The following ZGRF1 variants were observed in gnomAD, a reference collection of about 807,000 sequenced individuals.
The protein encoded by ZGRF1 is zinc finger GRF-type containing 1.
ZGRF1 carries 196 observed loss-of-function variants against 203.5 expected under a neutral mutation model. That is an observed-to-expected ratio of 0.96 (90% confidence interval 0.86 to 1.08). The LOEUF (loss-of-function observed/expected upper bound fraction) is 1.08. Among genes scored for constraint, ZGRF1 ranks in the 50% least tolerant of loss-of-function variants. ZGRF1 has a pLI of 0.00. For missense variants in ZGRF1, 2,326 were observed against 2,416.3 expected, an observed-to-expected ratio of 0.96 and a Z score of 0.78; for synonymous variants, 809 against 841.3, an observed-to-expected ratio of 0.96 and a Z score of 0.66.
chr4:112,577,421 C>T (rs1374935409), intron 16 of ZGRF1, among the ~76,000 whole-genome samples: 1 of 122,678 alleles, frequency 8.2e-6, no homozygotes, highest in African/African-American at 2.8e-5. Context: ...CAAATTCACA[C>T]ATAACAATAT....
chr4:112,593,122 T>C (rs1305460901), intron 10 of ZGRF1, among the ~76,000 whole-genome samples: 3 of 152,220 alleles, frequency 2.0e-5, no homozygotes, highest in Admixed American at 6.5e-5. Context: ...GTTTAAGCCA[T>C]CTAGCCTGTG....
At chr4:112,565,185 T>A in intron 16 of ZGRF1, 2 of 1,534,592 alleles carry the variant, frequency 1.3e-6, no homozygotes, top group Middle Eastern at 1.9e-4. Context: ...TTCGCTAACT[T>A]CCCTTCCAGC....
chr4:112,635,628 T>C (rs1047811985), intron 1 of ZGRF1, among the ~76,000 whole-genome samples: 1 of 148,920 alleles, frequency 6.7e-6, no homozygotes, highest in Non-Finnish European at 1.5e-5. Flanking sequence ...AATATATAAC[T>C]ATATTACTGT....
At chr4:112,553,323 G>A (rs1323187581) in intron 22 of ZGRF1, among the ~76,000 whole-genome samples, 2 of 152,184 alleles carry the variant, frequency 1.3e-5, no homozygotes, top group African/African-American at 4.8e-5. Context: ...TTACAGCCTG[G>A]AATCTTGTGT....
intron 16 of ZGRF1, among the ~76,000 whole-genome samples, chr4:112,580,972 T>G (rs1746131725): frequency 6.6e-6 from 1 of 152,082 alleles, no homozygotes; most frequent in African/African-American, 2.4e-5. Context: ...TAAAGACACA[T>G]GCACATGTAT....
chr4:112,543,874 GC>G (rs1279310203), intron 24 of ZGRF1, among the ~76,000 whole-genome samples: 1 of 152,072 alleles, frequency 6.6e-6, no homozygotes. Flanking sequence ...TTTGGTAGAG[GC>G]AGGGTCAGAG....
intron 22 of ZGRF1, among the ~76,000 whole-genome samples, chr4:112,552,824 T>TA (rs1425676737): frequency 6.6e-6 from 1 of 152,206 alleles, no homozygotes; most frequent in African/African-American, 2.4e-5. Flanking sequence ...TCACTGATGT[T>TA]AGGCTTGGCC....
rs373588880 is a variant in ZGRF1, at chr4:112,599,881, G to A, written c.2976+3643C>T. 5.3e-5 allele frequency among the ~76,000 whole-genome samples: 8 copies of A among 152,228 alleles called. No homozygotes were observed. The East Asian group carries it at 1.2e-3, about 22-fold the overall frequency. On this transcript the variant is annotated intron_variant, in intron 10 of 27. Transcript: ENST00000505019. ...TAGCTTTTTCAATAAATGGTGCTGGGTCAACTGAATATTCATATGGAGAAA... is the reference window on the plus strand; with the variant it reads ...TAGCTTTTTCAATAAATGGTGCTGGATCAACTGAATATTCATATGGAGAAA...
intron 24 of ZGRF1, 66 bp downstream of exon 24, chr4:112,547,219 T>A: frequency 6.9e-7 from 1 of 1,450,232 alleles, no homozygotes; most frequent in Non-Finnish European, 9.3e-7. Flanking sequence ...TCATTCTCTA[T>A]CAACACACAC....
Position 112,587,263 on chromosome 4 carries a change from C to T in ZGRF1, c.3777+17G>A. The T allele has an allele frequency of 6.3e-7, 1 of 1,577,380 alleles. No homozygotes were observed. Among genetic ancestry groups the T allele is most frequent in the Non-Finnish European group, 8.6e-7 (1 of 1,162,722 alleles). On this transcript the variant is annotated intron_variant, in intron 12 of 27. Transcript: ENST00000505019. The stretch of plus-strand genomic sequence containing the variant: ...ACTATTGGAAAAATGCACCACAAGA[C>T]CGGTACATTTCCTCACCTGTAAATC...
intron 22 of ZGRF1, among the ~76,000 whole-genome samples, chr4:112,553,238 T>G (rs1183451865): frequency 6.6e-6 from 1 of 152,212 alleles, no homozygotes; most frequent in African/African-American, 2.4e-5. Flanking sequence ...AGCTGCTGAT[T>G]GATTTTTTCT....
chr4:112,582,001 T>A (rs547141045), intron 15 of ZGRF1, among the ~76,000 whole-genome samples, 199 bp from the exon 16 acceptor site: 1 of 152,316 alleles, frequency 6.6e-6, no homozygotes, highest in South Asian at 2.1e-4. Flanking sequence ...TAGAAGAGAC[T>A]GAGATAGAAA....
chr4:112,577,967 C>T (rs1401173707), intron 16 of ZGRF1, among the ~76,000 whole-genome samples: 2 of 122,932 alleles, frequency 1.6e-5, no homozygotes, highest in Non-Finnish European at 3.6e-5. Context: ...CCCAAATCAA[C>T]AGAATATACA....
intron 8 of ZGRF1, among the ~76,000 whole-genome samples, chr4:112,608,679 G>A (rs1355105950): frequency 6.6e-6 from 1 of 151,990 alleles, no homozygotes; most frequent in Non-Finnish European, 1.5e-5. Flanking sequence ...AGACAAAAAC[G>A]TGATCATTTG....
chr4:112,634,996 G>A (rs1174117440), intron 1 of ZGRF1, among the ~76,000 whole-genome samples: 2 of 151,926 alleles, frequency 1.3e-5, no homozygotes, highest in African/African-American at 4.8e-5. Flanking sequence ...TGGGCATGGT[G>A]GCACAGGCCT....
chr4:112,593,839 C>T lies in ZGRF1; in HGVS notation c.2977-3965G>A, dbSNP rs570895999. 2.8e-4 allele frequency among the ~76,000 whole-genome samples: 33 copies of T among 119,664 alleles called. No individual in the cohort carries two copies. The South Asian group carries it at 9.1e-3, about 33-fold the overall frequency. The allele number at this position is 119,664 out of a possible 152,430, so 78.5% of individuals were successfully genotyped here. Reference sequence around the variant, plus strand: ...CTCAGGCTGGAATGCTCACAGCTCACTACAGCCTTAACCTCCCAGGATCAA... The same window carrying T: ...CTCAGGCTGGAATGCTCACAGCTCATTACAGCCTTAACCTCCCAGGATCAA... On this transcript the variant is annotated intron_variant, in intron 10 of 27. Coordinates refer to ENST00000505019, the MANE Select transcript of ZGRF1 (RefSeq NM_018392.5).
chr4:112,546,072 G>GTAATAA (rs142640030), intron 24 of ZGRF1, among the ~76,000 whole-genome samples: 209 of 147,268 alleles, frequency 1.4e-3, no homozygotes, highest in African/African-American at 3.8e-3. Context: ...GTACTTTAAA[G>GTAATAA]TAATAATAAT....
intron 7 of ZGRF1, 87 bp downstream of exon 7, chr4:112,612,437 G>A: frequency 1.2e-6 from 1 of 833,250 alleles, no homozygotes; most frequent in Non-Finnish European, 1.9e-6. Context: ...AAGATAGCTT[G>A]GGACTGTATT....
intron 6 of ZGRF1, among the ~76,000 whole-genome samples, chr4:112,614,538 C>G (rs1188911913): frequency 6.6e-6 from 1 of 152,122 alleles, no homozygotes; most frequent in Admixed American, 6.6e-5. Flanking sequence ...CTTAAAATGT[C>G]CCCAAAGGGG....
Sources: allele counts gnomAD v4.1 joint callset (sites outside exome capture counted in the v4.1 genomes callset), GRCh38; gene constraint gnomAD v4.1.1; transcripts MANE v1.5; gene names NCBI Gene and HGNC (gene_info 2026-07-23, HGNC 2026-07-21).